Variants in PPP2R2C observed in about 807,000 individuals in gnomAD.
The protein encoded by PPP2R2C is protein phosphatase 2 regulatory subunit Bgamma, also known as protein phosphatase 2, regulatory subunit B, gamma.
In PPP2R2C, 10 loss-of-function variants were observed where a neutral mutation model predicts 45.3. That is an observed-to-expected ratio of 0.22 (90% CI 0.14 to 0.37). The LOEUF (loss-of-function observed/expected upper bound fraction) is 0.37, where lower values mean the gene tolerates loss of function less well. PPP2R2C is among the 10% of genes least tolerant of loss of function. The pLI is 1.00. For synonymous variants in PPP2R2C, 257 were observed against 245.4 expected (o/e 1.05, Z -0.44); for missense variants, 308 against 619.7 (o/e 0.50, Z 5.34).
At chr4:6,546,850 G>A (rs1291832132) in intron 1 of PPP2R2C, among the ~76,000 whole-genome samples, 1 of 152,226 alleles carries the variant, frequency 6.6e-6, no homozygotes, top group Non-Finnish European at 1.5e-5. Context: ...TGAAGCGGGG[G>A]CTCTGCCGAG....
At chr4:6,517,026 G>A (rs1723846946) in intron 2 of PPP2R2C, among the ~76,000 whole-genome samples, 1 of 152,190 alleles carries the variant, frequency 6.6e-6, no homozygotes, top group East Asian at 1.9e-4. Flanking sequence ...AAGCCCTGCT[G>A]CAGTGGGTTC....
In PPP2R2C at chr4:6,392,451, G is replaced by A. The variant is rs1445748217; in HGVS notation, c.71-11357C>T. On this transcript the variant is annotated intron_variant, in intron 1 of 8. Coordinates refer to ENST00000382599, the MANE Select transcript of PPP2R2C (RefSeq NM_020416.4). ...TAAATGGCATGGGAGGGGTGGGAGG[G>A]GCTGTTTTAGCTGGGGAGGCCAGGG... Among the ~76,000 whole-genome samples, 3 of 152,104 alleles carry A rather than the reference G, an allele frequency of 2.0e-5. No homozygotes were observed. In the East Asian group the frequency reaches 5.8e-4, roughly 29 times the overall value.
intron 2 of PPP2R2C, among the ~76,000 whole-genome samples, chr4:6,510,052 A>G (rs1723376031): frequency 6.6e-6 from 1 of 152,162 alleles, no homozygotes; most frequent in African/African-American, 2.4e-5. Context: ...TCTCACCTGC[A>G]ACTTCAGACT....
In PPP2R2C at chr4:6,425,482, G is replaced by A. The variant is rs528525750; in HGVS notation, c.71-44388C>T. Among the ~76,000 whole-genome samples, 409 of 152,282 alleles carry A rather than the reference G, an allele frequency of 2.7e-3. No individual in the cohort carries two copies. In the Middle Eastern group the frequency reaches 0.027, roughly 10 times the overall value. On this transcript the variant is annotated intron_variant, in intron 1 of 8. Transcript: ENST00000382599. ...GACATCCAGTGCTGCTGGAAGTCTG[G>A]GGGTGTCCCCACCAGCACGAGCTCA...
In PPP2R2C at chr4:6,408,377, C is replaced by T. The variant is rs138174692; in HGVS notation, c.71-27283G>A. 1.2e-3 allele frequency among the ~76,000 whole-genome samples: 190 copies of T among 152,306 alleles called. 1 individual carries two copies. In the East Asian group the frequency reaches 0.022, roughly 18 times the overall value. On this transcript the variant is annotated intron_variant, in intron 1 of 8. Coordinates refer to ENST00000382599, the MANE Select transcript of PPP2R2C (RefSeq NM_020416.4). ...GTACAGGTTCTTCACTGCATGATCA[C>T]ATCCCCATGCTGCCCTCCACTGATT...
chr4:6,350,735 A>C lies in PPP2R2C; in HGVS notation c.626-2725T>G, dbSNP rs1345065059. 3.0e-6 allele frequency: 3 copies of C among 985,230 alleles called. No individual in the cohort carries two copies. In the Admixed American group the frequency reaches 1.8e-4, roughly 61 times the overall value. The allele number at this position is 985,230 out of a possible 1,614,324, so 61.0% of individuals were successfully genotyped here. ...GGCCAGAGGCTGGTTGCTTCTGCCA[A>C]TGAATAGACAAGTGAGGCATGTCAC... On this transcript the variant is annotated intron_variant, in intron 5 of 8. Transcript: ENST00000382599.
At chr4:6,400,673 C>T (rs897510410) in intron 1 of PPP2R2C, among the ~76,000 whole-genome samples, 13 of 152,216 alleles carry the variant, frequency 8.5e-5, no homozygotes, top group African/African-American at 3.1e-4. Context: ...TTGATGTAAG[C>T]AACATTCCTT....
intron 2 of PPP2R2C, among the ~76,000 whole-genome samples, chr4:6,516,534 C>A (rs964886314): frequency 1.3e-5 from 2 of 152,344 alleles, no homozygotes; most frequent in Admixed American, 1.3e-4. Flanking sequence ...ATCTGTCCAC[C>A]CTGCCCCAGG....
At chr4:6,372,403 G>T in intron 5 of PPP2R2C, 120 bp downstream of exon 5, 1 of 1,074,612 alleles carries the variant, frequency 9.3e-7, no homozygotes, top group South Asian at 1.5e-5. Flanking sequence ...GTGCCTCACT[G>T]AAGAAGTTAA....
chr4:6,425,267 G>A (rs1161822860), intron 1 of PPP2R2C, among the ~76,000 whole-genome samples: 1 of 152,156 alleles, frequency 6.6e-6, no homozygotes, highest in Non-Finnish European at 1.5e-5. Context: ...CCAGGAGCAG[G>A]CACTCTGACA....
At chr4:6,352,581 C>T (rs1577095762) in intron 5 of PPP2R2C, among the ~76,000 whole-genome samples, 1 of 152,316 alleles carries the variant, frequency 6.6e-6, no homozygotes, top group East Asian at 1.9e-4. Flanking sequence ...CACACTCTAG[C>T]ATCTAAGAGT....
intron 1 of PPP2R2C, among the ~76,000 whole-genome samples, chr4:6,433,167 G>A (rs985516311): frequency 1.3e-5 from 2 of 152,230 alleles, no homozygotes; most frequent in Non-Finnish European, 2.9e-5. Context: ...GTTGTATGTG[G>A]GTTTTTGACT....
intron 1 of PPP2R2C, among the ~76,000 whole-genome samples, chr4:6,397,073 G>C (rs1717089522): frequency 6.6e-6 from 1 of 152,220 alleles, no homozygotes; most frequent in African/African-American, 2.4e-5. Context: ...AGCCACCTAA[G>C]TGCACCCTGG....
chr4:6,550,169 C>G (rs1411729886), intron 1 of PPP2R2C, among the ~76,000 whole-genome samples: 1 of 152,128 alleles, frequency 6.6e-6, no homozygotes, highest in African/African-American at 2.4e-5. Context: ...TCTGAGCCTC[C>G]CCGTCCCCCA....
chr4:6,561,090 C>A (rs922214935), intron 1 of PPP2R2C, among the ~76,000 whole-genome samples: 1 of 152,238 alleles, frequency 6.6e-6, no homozygotes, highest in Non-Finnish European at 1.5e-5. Context: ...GTTCGGTGGG[C>A]AGTTCAGCAG....
intron 1 of PPP2R2C, chr4:6,414,157 G>A (rs981016669): frequency 2.3e-5 from 25 of 1,098,152 alleles, no homozygotes; most frequent in South Asian, 1.5e-4. Flanking sequence ...AACAAAATAC[G>A]GCCTAGTATG....
chr4:6,462,306 C>A (rs1254868283), intron 1 of PPP2R2C, among the ~76,000 whole-genome samples: 1 of 152,180 alleles, frequency 6.6e-6, no homozygotes, highest in Non-Finnish European at 1.5e-5. Flanking sequence ...GAAACCCCGT[C>A]TCTACTAAAA....
intron 6 of PPP2R2C, 21 bp from the exon 7 acceptor site, chr4:6,333,752 T>G: frequency 6.2e-7 from 1 of 1,613,602 alleles, no homozygotes; most frequent in Non-Finnish European, 8.5e-7. Flanking sequence ...AGAGAAGCAA[T>G]GGCCGTCACT....
At chr4:6,353,364 C>CG in intron 5 of PPP2R2C, among the ~76,000 whole-genome samples, 1 of 82,450 alleles carries the variant, frequency 1.2e-5, no homozygotes, top group African/African-American at 4.9e-5. Flanking sequence ...CACTGACAGC[C>CG]CCCCAACCAA....
Sources: gnomAD v4.1 joint callset for allele counts (sites outside exome capture counted in the v4.1 genomes callset) on GRCh38, gnomAD v4.1.1 for gene constraint, MANE v1.5 for transcripts, NCBI Gene and HGNC (gene_info 2026-07-23, HGNC 2026-07-21) for gene names.